The following COL24A1 variants were observed in gnomAD, a reference collection of about 807,000 sequenced individuals.
The protein encoded by COL24A1 is collagen alpha-1(XXIV) chain.
A neutral mutation model predicts 253.9 loss-of-function variants in COL24A1; 224 were observed. The ratio of observed to expected loss-of-function variants is 0.88; its 90% CI spans 0.79 to 0.99. The LOEUF (loss-of-function observed/expected upper bound fraction) is 0.99, where lower values mean the gene tolerates loss of function less well. Among genes scored for constraint, COL24A1 ranks in the 50% least tolerant of loss-of-function variants. COL24A1 has a pLI of 0.00. For synonymous variants in COL24A1, 685 were observed against 673.7 expected (o/e 1.02, Z -0.26); for missense variants, 2,131 against 2,068.5 (o/e 1.03, Z -0.59).
chr1:85,909,076 T>A lies in COL24A1; in HGVS notation c.2671-425A>T, dbSNP rs550012246. ...TCTCTAATTAAGCAATGTAAATGTG[T>A]ACAAATATTCTAGCATTTCAAACTT... On this transcript the variant is annotated intron_variant, in intron 26 of 59. Transcript: ENST00000370571. Among the ~76,000 whole-genome samples, 7 of 151,708 alleles carry A rather than the reference T, an allele frequency of 4.6e-5. No individual in the cohort carries two copies. In the South Asian group the frequency reaches 6.2e-4, roughly 13 times the overall value.
chr1:85,988,789 A>G (rs1409561715), intron 19 of COL24A1, among the ~76,000 whole-genome samples: 1 of 152,106 alleles, frequency 6.6e-6, no homozygotes, highest in Non-Finnish European at 1.5e-5. Flanking sequence ...AGAAAATGAT[A>G]CCAACGTATC....
At chr1:85,866,545 C>T (rs180794783) in intron 37 of COL24A1, among the ~76,000 whole-genome samples, 261 of 151,508 alleles carry the variant, frequency 1.7e-3, no homozygotes, top group African/African-American at 5.6e-3. Context: ...AGGCCGAGTC[C>T]GGTGGATCAC....
intron 7 of COL24A1, 44 bp downstream of exon 7, chr1:86,089,130 G>GAAA (rs56934354): frequency 9.1e-5 from 127 of 1,396,070 alleles, no homozygotes; most frequent in Admixed American, 1.4e-4. Flanking sequence ...ACAAAAAAAA[G>GAAA]AAAAAAAGAA....
chr1:85,856,924 G>A (rs1251413546), intron 37 of COL24A1, among the ~76,000 whole-genome samples: 1 of 152,024 alleles, frequency 6.6e-6, no homozygotes, highest in African/African-American at 2.4e-5. Flanking sequence ...CACTTTCCAT[G>A]TATTACCATA....
intron 14 of COL24A1, among the ~76,000 whole-genome samples, chr1:86,026,538 C>T (rs980710320): frequency 2.0e-5 from 3 of 152,208 alleles, no homozygotes; most frequent in Non-Finnish European, 4.4e-5. Flanking sequence ...TGAAGAAGTG[C>T]CTGCTTCTCC....
At chr1:86,106,940 T>G (rs1191955215) in intron 5 of COL24A1, among the ~76,000 whole-genome samples, 1 of 152,218 alleles carries the variant, frequency 6.6e-6, no homozygotes, top group Non-Finnish European at 1.5e-5. Context: ...TTTAACAATT[T>G]AACAACACAG....
At chr1:85,923,752 T>C (rs997027749) in intron 24 of COL24A1, among the ~76,000 whole-genome samples, 5 of 151,970 alleles carry the variant, frequency 3.3e-5, no homozygotes, top group African/African-American at 1.2e-4. Flanking sequence ...AACATAACAA[T>C]TGAAAGAACT....
Position 85,829,067 on chromosome 1 carries a change from G to T in COL24A1, c.3682-5329C>A, listed in dbSNP as rs973500423. Reference sequence around the variant, plus strand: ...GTTTTTGCAGTGGCTGGTACCGGTTGTTCCTTTCCATGTTTAGCGCTTCCT... The same window carrying T: ...GTTTTTGCAGTGGCTGGTACCGGTTTTTCCTTTCCATGTTTAGCGCTTCCT... On this transcript the variant is annotated intron_variant, in intron 43 of 59. Coordinates refer to ENST00000370571, the MANE Select transcript of COL24A1 (RefSeq NM_152890.7). Among the ~76,000 whole-genome samples, 403 of 151,908 alleles carry T rather than the reference G, an allele frequency of 2.7e-3. 1 individual carries two copies. The highest frequency in any genetic ancestry group is 8.1e-3 in the African/African-American group (337 of 41,472).
chr1:85,832,333 TGTA>T (rs1675392229), intron 43 of COL24A1, among the ~76,000 whole-genome samples: 1 of 152,062 alleles, frequency 6.6e-6, no homozygotes, highest in African/African-American at 2.4e-5. Flanking sequence ...ACTGTAGCCT[TGTA>T]GTATAGTTTG....
intron 20 of COL24A1, among the ~76,000 whole-genome samples, chr1:85,979,872 G>A (rs1397207849): frequency 1.3e-5 from 2 of 151,974 alleles, no homozygotes; most frequent in Non-Finnish European, 2.9e-5. Context: ...AACCAGGAAA[G>A]GACATAACAA....
At chr1:86,089,640 T>C (rs1271469746) in intron 6 of COL24A1, among the ~76,000 whole-genome samples, 1 of 151,972 alleles carries the variant, frequency 6.6e-6, no homozygotes, top group Non-Finnish European at 1.5e-5. Context: ...GCCAACATGG[T>C]GAAACCCGTC....
In COL24A1 at chr1:86,112,552, T is replaced by A; in HGVS notation, c.1599+15A>T. ...ATACTCATTAGCTTAAGTTGCCTGA[T>A]TAGTAGTCACTTACCTTTGGACCAG... On this transcript the variant is annotated intron_variant, in intron 5 of 59. Coordinates refer to ENST00000370571, the MANE Select transcript of COL24A1 (RefSeq NM_152890.7). 1 of 1,609,472 alleles carries A rather than the reference T, an allele frequency of 6.2e-7. No homozygotes were observed.
chr1:85,980,852 T>C (rs1040148332), intron 20 of COL24A1, among the ~76,000 whole-genome samples: 2 of 152,000 alleles, frequency 1.3e-5, no homozygotes, highest in African/African-American at 2.4e-5. Context: ...GAGCTTGCAG[T>C]GAGCCAAGAT....
At chr1:85,835,439 A>G (rs899334846) in intron 43 of COL24A1, among the ~76,000 whole-genome samples, 1 of 152,112 alleles carries the variant, frequency 6.6e-6, no homozygotes, top group Admixed American at 6.6e-5. Flanking sequence ...CCAGAGACAC[A>G]GTTTTTAGAA....
intron 5 of COL24A1, among the ~76,000 whole-genome samples, chr1:86,112,215 T>A (rs1705691612): frequency 1.3e-5 from 2 of 152,198 alleles, no homozygotes; most frequent in Non-Finnish European, 2.9e-5. Context: ...TCCTTGGTGT[T>A]TATTTACAAA....
intron 24 of COL24A1, among the ~76,000 whole-genome samples, chr1:85,934,318 G>T (rs949671461): frequency 6.6e-6 from 1 of 152,124 alleles, no homozygotes; most frequent in East Asian, 1.9e-4. Flanking sequence ...GAATAGAAAA[G>T]AATTTGTAGA....
At chr1:85,756,140 C>T (rs963455501) in intron 55 of COL24A1, among the ~76,000 whole-genome samples, 8 of 150,108 alleles carry the variant, frequency 5.3e-5, no homozygotes, top group African/African-American at 2.0e-4. Flanking sequence ...AAAGAAGAGG[C>T]TGGGCACAGT....
chr1:85,862,086 A>G (rs143405506), intron 37 of COL24A1, among the ~76,000 whole-genome samples: 174 of 152,260 alleles, frequency 1.1e-3, no homozygotes, highest in Non-Finnish European at 1.9e-3. Context: ...ATCTTTAACT[A>G]GTTGGCTTTT....
intron 5 of COL24A1, among the ~76,000 whole-genome samples, chr1:86,102,425 A>G (rs2102055368): frequency 6.6e-6 from 1 of 152,260 alleles, no homozygotes; most frequent in East Asian, 1.9e-4. Context: ...GTCTTCTGCT[A>G]ACTTTGAGGT....
Sources: gnomAD v4.1 joint callset for allele counts (sites outside exome capture counted in the v4.1 genomes callset) on GRCh38, gnomAD v4.1.1 for gene constraint, MANE v1.5 for transcripts, NCBI Gene and HGNC (gene_info 2026-07-23, HGNC 2026-07-21) for gene names.